The following NPAS3 variants were observed in gnomAD, a reference collection of about 807,000 sequenced individuals.
NPAS3 encodes the protein neuronal PAS domain protein 3, also known as neuronal PAS domain-containing protein 3.
NPAS3 carries 14 observed loss-of-function variants against 73.1 expected under a neutral mutation model. The ratio of observed to expected loss-of-function variants is 0.19; its 90% CI spans 0.13 to 0.30. NPAS3 has a LOEUF of 0.30. NPAS3 is among the 10% of genes least tolerant of loss of function. The probability of loss-of-function intolerance (pLI) is 1.00; values close to 1 mark genes in which losing one functional copy is unlikely to be tolerated. For synonymous variants in NPAS3, 620 were observed against 541.5 expected, an observed-to-expected ratio of 1.14 and a Z score of -2.01; for missense variants, 1,096 against 1,250.0, an observed-to-expected ratio of 0.88 and a Z score of 1.86.
chr14:33,240,921 A>T (rs1433466238), intron 3 of NPAS3, among the ~76,000 whole-genome samples: 2 of 151,730 alleles, frequency 1.3e-5, no homozygotes, highest in East Asian at 3.9e-4. Context: ...CTTCCCAATT[A>T]ATTGCCATTT....
intron 4 of NPAS3, among the ~76,000 whole-genome samples, chr14:33,376,437 G>C (rs2046315506): frequency 6.6e-6 from 1 of 152,076 alleles, no homozygotes; most frequent in Non-Finnish European, 1.5e-5. Context: ...TTCAGTATAT[G>C]CTTTTTTTTC....
chr14:33,701,661 C>G (rs764615295), intron 6 of NPAS3, among the ~76,000 whole-genome samples: 1 of 152,160 alleles, frequency 6.6e-6, no homozygotes, highest in Non-Finnish European at 1.5e-5. Flanking sequence ...CTCCCAGCCA[C>G]CTTTTGTCTT....
intron 3 of NPAS3, among the ~76,000 whole-genome samples, chr14:33,311,001 A>G (rs568935336): frequency 6.6e-6 from 1 of 152,234 alleles, no homozygotes; most frequent in South Asian, 2.1e-4. Flanking sequence ...TAGGCAGGTT[A>G]GGTTTGTGCC....
chr14:33,135,900 A>G (rs757626081), intron 2 of NPAS3, among the ~76,000 whole-genome samples: 1 of 152,142 alleles, frequency 6.6e-6, no homozygotes, highest in Non-Finnish European at 1.5e-5. Flanking sequence ...CACTTTTTAC[A>G]GTGAAATAGA....
chr14:33,773,272 A>C (rs1206448380), intron 7 of NPAS3, among the ~76,000 whole-genome samples: 1 of 152,176 alleles, frequency 6.6e-6, no homozygotes, highest in African/African-American at 2.4e-5. Context: ...GGCAAAGCAC[A>C]TATGGACACT....
At chr14:33,538,875 C>T (rs572322701) in intron 4 of NPAS3, among the ~76,000 whole-genome samples, 2 of 152,298 alleles carry the variant, frequency 1.3e-5, no homozygotes, top group East Asian at 1.9e-4. Context: ...CTTACCCACC[C>T]CCAACATTCT....
chr14:33,793,441 G>A (rs76445847), intron 9 of NPAS3, among the ~76,000 whole-genome samples: 2,221 of 152,292 alleles, frequency 0.015, 20 homozygotes, highest in Non-Finnish European at 0.023. Flanking sequence ...CTCACACGGA[G>A]GAGAAACGAT....
intron 2 of NPAS3, among the ~76,000 whole-genome samples, chr14:33,089,428 G>A (rs2138793570): frequency 6.6e-6 from 1 of 152,296 alleles, no homozygotes; most frequent in South Asian, 2.1e-4. Flanking sequence ...ATGAAATGAA[G>A]TGAGAAGAGA....
rs904124783 is a variant in NPAS3, at chr14:33,648,923, A to G, written c.559-27288A>G. On this transcript the variant is annotated intron_variant, in intron 5 of 11. Coordinates refer to ENST00000356141, the Ensembl canonical transcript of NPAS3. The stretch of plus-strand genomic sequence containing the variant: ...GCCTTGTGCTGCCCCCCAGAATTCT[A>G]GATGAACAGCAGCGAATTGTGAGGG... Among the ~76,000 whole-genome samples, 5 of 152,150 alleles carry G rather than the reference A, an allele frequency of 3.3e-5. No individual in the cohort carries two copies. In the East Asian group the frequency reaches 9.6e-4, roughly 29 times the overall value.
chr14:33,051,957 C>T (rs1218949496), intron 1 of NPAS3, among the ~76,000 whole-genome samples: 1 of 152,076 alleles, frequency 6.6e-6, no homozygotes, highest in African/African-American at 2.4e-5. Flanking sequence ...GTCAGAGTTT[C>T]ACCGTGTTAG....
chr14:33,034,515 A>G (rs970148709), intron 1 of NPAS3, among the ~76,000 whole-genome samples: 2 of 151,528 alleles, frequency 1.3e-5, no homozygotes, highest in African/African-American at 4.8e-5. Context: ...AATATATACC[A>G]TATATTAATA....
intron 2 of NPAS3, among the ~76,000 whole-genome samples, chr14:33,158,882 G>A: frequency 6.6e-6 from 1 of 152,174 alleles, no homozygotes. Flanking sequence ...AAAATTACTG[G>A]CCGGGCGCAG....
chr14:33,445,390 C>T (rs958929585), intron 4 of NPAS3, among the ~76,000 whole-genome samples: 5 of 152,196 alleles, frequency 3.3e-5, no homozygotes, highest in African/African-American at 9.6e-5. Context: ...CAGCTATTCT[C>T]CTGTAGAATT....
chr14:33,191,755 G>A (rs952785458), intron 2 of NPAS3, among the ~76,000 whole-genome samples: 1 of 152,180 alleles, frequency 6.6e-6, no homozygotes, highest in Non-Finnish European at 1.5e-5. Context: ...AAAACTACCA[G>A]TGTTCTCAAT....
At chr14:33,319,661 A>T (rs372462096) in intron 3 of NPAS3, among the ~76,000 whole-genome samples, 87 of 152,176 alleles carry the variant, frequency 5.7e-4, no homozygotes, top group African/African-American at 2.0e-3. Flanking sequence ...AAATCTGTCA[A>T]TCTAAAGTGT....
chr14:33,301,147 G>A (rs1304927612), intron 3 of NPAS3, among the ~76,000 whole-genome samples: 1 of 151,330 alleles, frequency 6.6e-6, no homozygotes, highest in Non-Finnish European at 1.5e-5. Flanking sequence ...TTCCTCTGCT[G>A]CCACTTCTCA....
chr14:33,136,722 G>A (rs2043852718), intron 2 of NPAS3, among the ~76,000 whole-genome samples: 1 of 152,230 alleles, frequency 6.6e-6, no homozygotes, highest in African/African-American at 2.4e-5. Flanking sequence ...ACTTCTTGAT[G>A]TGGGTACTTG....
chr14:33,270,938 C>T (rs1006626865), intron 3 of NPAS3, among the ~76,000 whole-genome samples: 46 of 152,090 alleles, frequency 3.0e-4, no homozygotes, highest in African/African-American at 1.1e-3. Flanking sequence ...TCCCCTTCAC[C>T]CTCTGAATGT....
At chr14:33,010,938 CAAA>C (rs77196350) in intron 1 of NPAS3, among the ~76,000 whole-genome samples, 3 of 120,354 alleles carry the variant, frequency 2.5e-5, no homozygotes, top group Non-Finnish European at 1.7e-5. Flanking sequence ...GAACCTGTCT[CAAA>C]AAAAAAAAAA....
Sources: gnomAD v4.1 joint callset for allele counts (sites outside exome capture counted in the v4.1 genomes callset) on GRCh38, gnomAD v4.1.1 for gene constraint, MANE v1.5 for transcripts, NCBI Gene and HGNC (gene_info 2026-07-23, HGNC 2026-07-21) for gene names.